Variants in RHPN2 observed in about 807,000 individuals in gnomAD.
The protein encoded by RHPN2 is rhophilin Rho GTPase binding protein 2, also known as rhophilin-2.
In RHPN2, 40 loss-of-function variants were observed where a neutral mutation model predicts 79.0. The ratio of observed to expected loss-of-function variants is 0.51; its 90% CI spans 0.39 to 0.66. The LOEUF (loss-of-function observed/expected upper bound fraction) is 0.66, where lower values mean the gene tolerates loss of function less well. Ranked by LOEUF, RHPN2 falls within the 30% of genes least tolerant of loss-of-function variation. The probability of loss-of-function intolerance (pLI) is 0.00; values close to 1 mark genes in which losing one functional copy is unlikely to be tolerated. For missense variants in RHPN2, 686 were observed against 883.5 expected (o/e 0.78, Z 2.83); for synonymous variants, 285 against 363.5 (o/e 0.78, Z 2.46).
At position 32,980,015 on chromosome 19, in the gene RHPN2, G is replaced by A. The variant is rs1308048021; in HGVS notation, c.2042C>T (p.Ser681Leu). The part of the protein sequence containing the change: ...KLPSPFSLLN[S>L]DSSWY The stretch of plus-strand genomic sequence containing the variant: ...CTCACATTAGTACCAAGAACTGTCT[G>A]AGTTGAGAAGGCTGAAAGGGGAGGG... The change falls in exon 15 of 15, where the codon TCA (serine) becomes TTA (leucine). Residue 681 changes from serine to leucine, a missense_variant. Coordinates refer to ENST00000254260, the MANE Select transcript of RHPN2 (RefSeq NM_033103.5). 2 of 1,613,934 alleles carry A rather than the reference G, an allele frequency of 1.2e-6. No homozygotes were observed. The highest frequency in any genetic ancestry group is 4.5e-5 in the East Asian group (2 of 44,880).
At chr19:33,006,967 A>G (rs1327252824) in intron 7 of RHPN2, among the ~76,000 whole-genome samples, 1 of 152,088 alleles carries the variant, frequency 6.6e-6, no homozygotes, top group African/African-American at 2.4e-5. Flanking sequence ...ACTTGAACCC[A>G]GTAGGCAGAC....
At position 33,003,019 on chromosome 19, in the gene RHPN2, T is replaced by C; in HGVS notation, c.761-19A>G. The C allele has an allele frequency of 6.2e-7, 1 of 1,612,168 alleles. No individual in the cohort carries two copies. Among genetic ancestry groups the C allele is most frequent in the Non-Finnish European group, 8.5e-7 (1 of 1,178,612 alleles). On this transcript the variant is annotated intron_variant, in intron 7 of 14. Transcript: ENST00000254260. ...AAAACCCCTAAAAGTGGAAAATGTT[T>C]TGCCCATTAGTTCGGGTTCATATTT...
chr19:33,005,641 GGGATGGCAC>G (rs1971784868), intron 7 of RHPN2, among the ~76,000 whole-genome samples: 1 of 149,694 alleles, frequency 6.7e-6, no homozygotes, highest in South Asian at 2.1e-4. Context: ...GCCCTGCGGA[GGGATGGCAC>G]CTGCTGTTTT....
intron 1 of RHPN2, among the ~76,000 whole-genome samples, chr19:33,048,005 A>T (rs1020624579): frequency 6.6e-6 from 1 of 152,084 alleles, no homozygotes; most frequent in African/African-American, 2.4e-5. Flanking sequence ...TCCCCCACAT[A>T]GCCCCACAAC....
intron 14 of RHPN2, among the ~76,000 whole-genome samples, chr19:32,987,535 C>A (rs1235976127): frequency 6.6e-6 from 1 of 152,204 alleles, no homozygotes; most frequent in Non-Finnish European, 1.5e-5. Context: ...CACCCTCTCA[C>A]TGCAAAGCTT....
chr19:33,011,595 G>A (rs113529289), intron 6 of RHPN2, 84 bp downstream of exon 6: 39 of 1,575,844 alleles, frequency 2.5e-5, no homozygotes, highest in Admixed American at 8.4e-5. Context: ...AGGGGCACCC[G>A]CAGAGGGGCG....
chr19:33,040,463 C>T (rs1230425400), intron 2 of RHPN2, among the ~76,000 whole-genome samples: 1 of 151,966 alleles, frequency 6.6e-6, no homozygotes, highest in Non-Finnish European at 1.5e-5. Flanking sequence ...TGGTCTCGAT[C>T]TCTTGACCTT....
intron 12 of RHPN2, 155 bp from the exon 13 acceptor site, chr19:32,992,124 C>T (rs1306789532): frequency 8.1e-6 from 6 of 738,392 alleles, no homozygotes; most frequent in East Asian, 2.7e-5. Context: ...AGCAGTCATG[C>T]GAGAACCTGG....
chr19:32,981,382 G>A (rs1313648335), intron 14 of RHPN2, among the ~76,000 whole-genome samples: 2 of 118,240 alleles, frequency 1.7e-5, no homozygotes, highest in Non-Finnish European at 3.3e-5. Flanking sequence ...CAGCCTGGGC[G>A]ACAGAGTGAG....
chr19:33,054,155 A>C lies in RHPN2; in HGVS notation c.70-9791T>G, dbSNP rs1211672961. Among the ~76,000 whole-genome samples the C allele has an allele frequency of 4.8e-5, 7 of 145,514 alleles. No individual in the cohort carries two copies. The East Asian group carries it at 1.4e-3, about 30-fold the overall frequency. The stretch of plus-strand genomic sequence containing the variant: ...TGGGATCATAGGTGTGAGCCACTAC[A>C]TCCAGCCTTGTTTTTTTACCACCTG... On this transcript the variant is annotated intron_variant, in intron 1 of 14. Transcript: ENST00000254260.
At chr19:33,042,111 C>T (rs377358389) in intron 2 of RHPN2, among the ~76,000 whole-genome samples, 2 of 151,380 alleles carry the variant, frequency 1.3e-5, no homozygotes, top group Admixed American at 1.3e-4. Flanking sequence ...ACCACTTGAA[C>T]ATGGGAGGCA....
Position 32,991,025 on chromosome 19 carries a change from A to G in RHPN2, c.1645-356T>C, listed in dbSNP as rs1277905597. On this transcript the variant is annotated intron_variant, in intron 13 of 14. Transcript: ENST00000254260. ...GCCTGGGTGCAATTAAAAAAAAAAAAAAAAAGCCAAAATTGGCCAGGCACA... is the reference window on the plus strand; with the variant it reads ...GCCTGGGTGCAATTAAAAAAAAAAAGAAAAAGCCAAAATTGGCCAGGCACA... 6.0e-5 allele frequency among the ~76,000 whole-genome samples: 9 copies of G among 151,218 alleles called. No homozygotes were observed. In the South Asian group the frequency reaches 1.9e-3, roughly 32 times the overall value.
chr19:33,005,616 A>AG, intron 7 of RHPN2, among the ~76,000 whole-genome samples: 1 of 146,496 alleles, frequency 6.8e-6, no homozygotes, highest in East Asian at 2.0e-4. Flanking sequence ...GCAAAAAAAA[A>AG]AAAAAAAAAG....
intron 10 of RHPN2, among the ~76,000 whole-genome samples, chr19:32,998,786 AAGGAG>A (rs1457643253): frequency 7.3e-6 from 1 of 136,758 alleles, no homozygotes; most frequent in Non-Finnish European, 1.6e-5. Context: ...GGAACAAGGA[AAGGAG>A]AGGAGAGGGG....
At chr19:33,022,090 G>A (rs1276826927) in intron 3 of RHPN2, among the ~76,000 whole-genome samples, 2 of 151,920 alleles carry the variant, frequency 1.3e-5, no homozygotes, top group East Asian at 1.9e-4. Flanking sequence ...ACAGGCACAC[G>A]ACACCACACC....
In RHPN2 at chr19:33,059,322, G is replaced by A. The variant is rs187826403; in HGVS notation, c.69+5462C>T. Among the ~76,000 whole-genome samples the A allele has an allele frequency of 7.7e-3, 1,107 of 143,378 alleles. 8 individuals are homozygous for A. The highest frequency in any genetic ancestry group is 0.03 in the Middle Eastern group (8 of 270). The allele number at this position is 143,378 out of a possible 152,430, so 94.1% of individuals were successfully genotyped here. ...TTATCATTTTTTTTTTTTTTGAGAC[G>A]GAGTCTCGCTCTGCTGCTCAGGCTA... is the stretch of plus-strand genomic sequence containing the variant. On this transcript the variant is annotated intron_variant, in intron 1 of 14. Coordinates refer to ENST00000254260, the MANE Select transcript of RHPN2 (RefSeq NM_033103.5).
intron 2 of RHPN2, among the ~76,000 whole-genome samples, chr19:33,038,094 T>A (rs1172534316): frequency 6.6e-6 from 1 of 152,038 alleles, no homozygotes; most frequent in East Asian, 1.9e-4. Context: ...CTCATGTCTG[T>A]AATCCCAGCA....
intron 2 of RHPN2, 187 bp from the exon 3 acceptor site, chr19:33,026,819 G>A (rs1010166946): frequency 1.0e-4 from 63 of 601,462 alleles, no homozygotes; most frequent in Admixed American, 1.6e-4. Flanking sequence ...CTGCCAGTAC[G>A]TGGAGCTGGG....
At position 32,990,521 on chromosome 19, in the gene RHPN2, G is replaced by A. The variant is rs577353395; in HGVS notation, c.1793C>T (p.Ser598Leu). Residue 598 changes from serine to leucine, a missense_variant, in exon 14 of 15, where the codon TCA becomes TTA. Physicochemically the swap from Ser to Leu is moderately radical, Grantham distance 145. Transcript: ENST00000254260. ...GGAGGTGTCAGCGCTCACCATGGAT[G>A]ATGTGGAGTCCAGGAGGCTCACGAC... ...MKVVSLLDST[S>L]SMHNKSATYS... 7.4e-6 allele frequency: 12 copies of A among 1,613,820 alleles called. No homozygotes were observed. In the African/African-American group the frequency reaches 1.6e-4, roughly 22 times the overall value.
Sources: gnomAD v4.1 joint callset for allele counts (sites outside exome capture counted in the v4.1 genomes callset) on GRCh38, gnomAD v4.1.1 for gene constraint, MANE v1.5 for transcripts, NCBI Gene and HGNC (gene_info 2026-07-23, HGNC 2026-07-21) for gene names.